PPP6C: variants seen among roughly 807,000 people sequenced by gnomAD.
PPP6C encodes serine/threonine-protein phosphatase 6 catalytic subunit.
Under a neutral mutation model 39.8 loss-of-function variants are expected in PPP6C, and 11 were observed. The observed-to-expected ratio is 0.28, with a 90% CI of 0.17 to 0.46. The LOEUF is 0.46. PPP6C is among the 20% of genes least tolerant of loss of function. The probability of loss-of-function intolerance (pLI) is 1.00; values close to 1 mark genes in which losing one functional copy is unlikely to be tolerated. For synonymous variants in PPP6C, 129 were observed against 130.3 expected (o/e 0.99, Z 0.07); for missense variants, 211 against 373.9 (o/e 0.56, Z 3.59).
chr9:125,176,713 G>A (rs1158844553), intron 1 of PPP6C, among the ~76,000 whole-genome samples: 1 of 152,156 alleles, frequency 6.6e-6, no homozygotes, highest in Non-Finnish European at 1.5e-5. Flanking sequence ...GCTGGGCTGG[G>A]GTTGGAATTG....
rs949426489 is a variant in PPP6C at position 125,150,635 on chromosome 9, G to A, written c.670-714C>T. The A allele has an allele frequency of 3.1e-6, 3 of 968,300 alleles. No homozygotes were observed. In the Admixed American group the frequency reaches 5.7e-5, roughly 18 times the overall value. The allele number at this position is 968,300 out of a possible 1,614,324, so 60.0% of individuals were successfully genotyped here. On this transcript the variant is annotated intron_variant, in intron 6 of 6. Transcript: ENST00000373547. ...GATCACTTAGTGAAGAGTGCTTAGG[G>A]TAGTTGGCCAGGATCCTGAATATCA...
chr9:125,178,616 T>C (rs1405310897), intron 1 of PPP6C, among the ~76,000 whole-genome samples: 1 of 152,180 alleles, frequency 6.6e-6, no homozygotes. Context: ...GTGATGTTTA[T>C]CTTTATTCTG....
At chr9:125,163,660 A>G (rs1588281249) in intron 2 of PPP6C, among the ~76,000 whole-genome samples, 1 of 151,890 alleles carries the variant, frequency 6.6e-6, no homozygotes, top group Admixed American at 6.6e-5. Flanking sequence ...TGAACTCCTG[A>G]CCTTGTGATC....
At chr9:125,188,420 G>A (rs933157330) in intron 1 of PPP6C, among the ~76,000 whole-genome samples, 1 of 151,838 alleles carries the variant, frequency 6.6e-6, no homozygotes, top group African/African-American at 2.4e-5. Flanking sequence ...TTAAATACTA[G>A]CACGAGCTGA....
intron 1 of PPP6C, among the ~76,000 whole-genome samples, chr9:125,175,575 G>A (rs547525574): frequency 4.3e-4 from 65 of 150,322 alleles, no homozygotes; most frequent in Non-Finnish European, 8.4e-4. Context: ...CCCGGGAGGC[G>A]GAGCTTGCAG....
chr9:125,168,439 T>C (rs1829071860), intron 2 of PPP6C, among the ~76,000 whole-genome samples: 1 of 152,146 alleles, frequency 6.6e-6, no homozygotes, highest in Non-Finnish European at 1.5e-5. Context: ...TCAAATCCCA[T>C]GTTTCTGATT....
chr9:125,170,305 C>T (rs931011909), intron 2 of PPP6C, among the ~76,000 whole-genome samples: 3 of 151,126 alleles, frequency 2.0e-5, no homozygotes, highest in Non-Finnish European at 2.9e-5. Context: ...GGTGCGGTCT[C>T]GGCTCACTGC....
At chr9:125,168,305 T>C (rs756121130) in intron 2 of PPP6C, among the ~76,000 whole-genome samples, 1 of 152,198 alleles carries the variant, frequency 6.6e-6, no homozygotes, top group African/African-American at 2.4e-5. Context: ...CACAACATGC[T>C]TGCTAACATG....
chr9:125,161,519 C>T (rs1365019816), intron 2 of PPP6C, among the ~76,000 whole-genome samples: 1 of 152,172 alleles, frequency 6.6e-6, no homozygotes, highest in African/African-American at 2.4e-5. Context: ...TCATAACTCA[C>T]TGCAGCCACA....
rs977223135 is a variant in PPP6C at position 125,162,457 on chromosome 9, C to CAAA, written c.172-1554_172-1552dup. 7.9e-4 allele frequency among the ~76,000 whole-genome samples: 56 copies of CAAA among 70,954 alleles called. No homozygotes were observed. The East Asian group carries it at 0.012, about 16-fold the overall frequency. The allele number at this position is 70,954 out of a possible 152,430, so 46.5% of individuals were successfully genotyped here. On this transcript the variant is annotated intron_variant, in intron 2 of 6. Transcript: ENST00000373547. Reference sequence around the variant, plus strand: ...TGGGCAACAGAGCAAGATTCTGTCTCAAAAAAAAAAAAAAAAAAAAAAAAA... The same window carrying CAAA: ...TGGGCAACAGAGCAAGATTCTGTCTCAAAAAAAAAAAAAAAAAAAAAAAAAAAA...
intron 2 of PPP6C, among the ~76,000 whole-genome samples, chr9:125,163,347 T>C (rs897499715): frequency 6.6e-6 from 1 of 152,218 alleles, no homozygotes; most frequent in African/African-American, 2.4e-5. Context: ...ATTAAAAAGT[T>C]TTGTAAGTCA....
intron 1 of PPP6C, chr9:125,188,974 A>C (rs1484383485): frequency 4.6e-6 from 7 of 1,530,460 alleles, no homozygotes; most frequent in East Asian, 2.5e-5. Flanking sequence ...TTAAGGAGAA[A>C]GTATTTGTAT....
intron 2 of PPP6C, among the ~76,000 whole-genome samples, chr9:125,165,399 C>CA (rs199775927): frequency 3.7e-4 from 55 of 149,802 alleles, no homozygotes; most frequent in African/African-American, 9.8e-4. Context: ...AATTCCATCT[C>CA]AAAAAAACAA....
chr9:125,184,170 G>A (rs1293618565), intron 1 of PPP6C, among the ~76,000 whole-genome samples: 4 of 152,020 alleles, frequency 2.6e-5, no homozygotes, highest in Admixed American at 6.6e-5. Flanking sequence ...GGTGGATCAC[G>A]AGGTCAGGAG....
chr9:125,153,372 TAAAG>T (rs1835997270), intron 6 of PPP6C, among the ~76,000 whole-genome samples, 157 bp downstream of exon 6: 1 of 152,146 alleles, frequency 6.6e-6, no homozygotes, highest in Admixed American at 6.6e-5. Flanking sequence ...ATTTAACCAT[TAAAG>T]AAAGACATAC....
At chr9:125,183,740 C>T (rs1829466010) in intron 1 of PPP6C, among the ~76,000 whole-genome samples, 3 of 152,104 alleles carry the variant, frequency 2.0e-5, no homozygotes. Flanking sequence ...TTTTGTCTAC[C>T]TGAACTCTGC....
At position 125,160,561 on chromosome 9, in the gene PPP6C, G is replaced by A. The variant is rs1217972853; in HGVS notation, c.237+280C>T. ...CTGCACAGTCTCTCTCTCTTTGCCT[G>A]CCGCCATCCACATAAGATGTGACTT... is the stretch of plus-strand genomic sequence containing the variant. On this transcript the variant is annotated intron_variant, in intron 3 of 6. Coordinates refer to ENST00000373547, the MANE Select transcript of PPP6C (RefSeq NM_002721.5). Among the ~76,000 whole-genome samples, 5 of 152,156 alleles carry A rather than the reference G, an allele frequency of 3.3e-5. No homozygotes were observed. The East Asian group carries it at 7.7e-4, about 23-fold the overall frequency.
chr9:125,162,927 A>C (rs920777601), intron 2 of PPP6C, among the ~76,000 whole-genome samples: 4 of 151,260 alleles, frequency 2.6e-5, no homozygotes, highest in African/African-American at 9.7e-5. Context: ...AAAATACAAA[A>C]ATTAGCCAGG....
intron 6 of PPP6C, among the ~76,000 whole-genome samples, chr9:125,150,255 A>G (rs1036834647): frequency 2.0e-5 from 3 of 152,244 alleles, no homozygotes; most frequent in Admixed American, 2.0e-4. Context: ...AAGGTTTAGT[A>G]TATGTAGATG....
Sources: gnomAD v4.1 joint callset for allele counts (sites outside exome capture counted in the v4.1 genomes callset) on GRCh38, gnomAD v4.1.1 for gene constraint, MANE v1.5 for transcripts, NCBI Gene and HGNC (gene_info 2026-07-23, HGNC 2026-07-21) for gene names.